BTRC: variants seen among roughly 807,000 people sequenced by gnomAD.
BTRC encodes beta-transducin repeat containing E3 ubiquitin protein ligase.
Under a neutral mutation model 85.5 loss-of-function variants are expected in BTRC, and 42 were observed. The observed-to-expected ratio is 0.49, with a 90% CI of 0.38 to 0.64. BTRC has a LOEUF of 0.64. Ranked by LOEUF, BTRC falls within the 30% of genes least tolerant of loss-of-function variation. The pLI is 0.00. For missense variants in BTRC, 594 were observed against 743.5 expected (o/e 0.80, Z 2.34); for synonymous variants, 255 against 263.3 (o/e 0.97, Z 0.30).
chr10:101,418,403 T>TG (rs1004675519), intron 1 of BTRC, among the ~76,000 whole-genome samples: 39 of 152,052 alleles, frequency 2.6e-4, no homozygotes, highest in East Asian at 9.7e-4. Flanking sequence ...TATATTTTTT[T>TG]GGGGGGGTGA....
At chr10:101,520,620 T>C (rs189663756) in intron 4 of BTRC, among the ~76,000 whole-genome samples, 2 of 152,282 alleles carry the variant, frequency 1.3e-5, no homozygotes, top group Non-Finnish European at 2.9e-5. Context: ...CTCAGAATAT[T>C]CATTGGTTTC....
At chr10:101,510,092 C>T (rs927465016) in intron 4 of BTRC, among the ~76,000 whole-genome samples, 1 of 151,832 alleles carries the variant, frequency 6.6e-6, no homozygotes, top group Non-Finnish European at 1.5e-5. Flanking sequence ...CGAGATTGCA[C>T]CATTGCACTC....
chr10:101,465,593 G>A (rs981874730), intron 3 of BTRC, among the ~76,000 whole-genome samples: 1 of 152,124 alleles, frequency 6.6e-6, no homozygotes, highest in Non-Finnish European at 1.5e-5. Context: ...AATATTTAAG[G>A]AAGAAATGAT....
chr10:101,529,935 C>T (rs1006922121), intron 6 of BTRC, among the ~76,000 whole-genome samples: 1 of 152,178 alleles, frequency 6.6e-6, no homozygotes, highest in African/African-American at 2.4e-5. Flanking sequence ...AGGCACGGTG[C>T]CAGTGAGAAC....
chr10:101,442,873 A>G (rs923352836), intron 2 of BTRC, among the ~76,000 whole-genome samples: 3 of 150,022 alleles, frequency 2.0e-5, no homozygotes, highest in Non-Finnish European at 4.4e-5. Context: ...AGTAAGTTGT[A>G]CAGATCTCAC....
At chr10:101,539,177 C>G (rs113935163) in intron 13 of BTRC, among the ~76,000 whole-genome samples, 4 of 152,176 alleles carry the variant, frequency 2.6e-5, no homozygotes, top group Admixed American at 6.5e-5. Flanking sequence ...CCATATACCC[C>G]CTTTTGACAT....
rs757655476 is a variant in BTRC at position 101,543,976 on chromosome 10, C to CT, written c.1656+5607dup. Among the ~76,000 whole-genome samples the CT allele has an allele frequency of 4.6e-5, 7 of 152,282 alleles. No homozygotes were observed. The South Asian group carries it at 8.3e-4, about 18-fold the overall frequency. On this transcript the variant is annotated intron_variant, in intron 13 of 14. Coordinates refer to ENST00000370187, the MANE Select transcript of BTRC (RefSeq NM_033637.4). ...CCAGGCTGGAGTGCACTGGCGTGAT[C>CT]TTGGCTCACTGCAACCTCCGCCTCC...
At chr10:101,512,837 A>G (rs2061973958) in intron 4 of BTRC, among the ~76,000 whole-genome samples, 1 of 152,142 alleles carries the variant, frequency 6.6e-6, no homozygotes, top group Non-Finnish European at 1.5e-5. Flanking sequence ...TCTTGTGGAG[A>G]CAACTGTTCA....
intron 1 of BTRC, among the ~76,000 whole-genome samples, chr10:101,417,081 AT>A (rs1179825027): frequency 6.6e-6 from 1 of 151,992 alleles, no homozygotes; most frequent in African/African-American, 2.4e-5. Context: ...TTCTCTGTGT[AT>A]TTCCTGCAAA....
chr10:101,368,532 T>G (rs1457912486), intron 1 of BTRC, among the ~76,000 whole-genome samples: 1 of 135,120 alleles, frequency 7.4e-6, no homozygotes, highest in Non-Finnish European at 1.5e-5. Context: ...CAGGCCGGAG[T>G]GCAGTGGCAT....
At chr10:101,487,725 A>G (rs1436649125) in intron 4 of BTRC, among the ~76,000 whole-genome samples, 1 of 152,200 alleles carries the variant, frequency 6.6e-6, no homozygotes, top group Non-Finnish European at 1.5e-5. Context: ...CAGTCGGAAC[A>G]CTGAAATTAA....
chr10:101,534,697 G>A lies in BTRC; in HGVS notation c.1134G>A (p.Thr378=), dbSNP rs373104717. The change falls in exon 10 of 15, where the codon ACG becomes ACA. Residue 378 remains threonine, a synonymous_variant. Transcript: ENST00000370187. Reference sequence around the variant, plus strand: ...TAAATACAGGTGAAATGCTAAACACGTTGATTCACCATTGTGAAGCAGTTC... The same window carrying A: ...TAAATACAGGTGAAATGCTAAACACATTGATTCACCATTGTGAAGCAGTTC... The part of the protein sequence containing the change: ...WDVNTGEMLN[T]LIHHCEAVLH... The A allele has an allele frequency of 4.5e-5, 72 of 1,613,966 alleles. No individual in the cohort carries two copies. The highest frequency in any genetic ancestry group is 2.5e-4 in the East Asian group (11 of 44,890).
At chr10:101,432,437 A>G (rs921831310) in intron 2 of BTRC, among the ~76,000 whole-genome samples, 1 of 152,074 alleles carries the variant, frequency 6.6e-6, no homozygotes, top group Non-Finnish European at 1.5e-5. Context: ...TATATCCTAT[A>G]TTTTTAACTA....
intron 6 of BTRC, among the ~76,000 whole-genome samples, chr10:101,527,125 C>T (rs2062204434): frequency 6.6e-6 from 1 of 152,112 alleles, no homozygotes; most frequent in African/African-American, 2.4e-5. Context: ...TTATAATAGG[C>T]ATGTGTGTGC....
rs36030307 is a variant in BTRC, at chr10:101,385,618, C to CTTTTTTTTTTT, written c.48+31395_48+31405dup. On this transcript the variant is annotated intron_variant, in intron 1 of 14. Coordinates refer to ENST00000370187, the MANE Select transcript of BTRC (RefSeq NM_033637.4). ...TCTTTGTTCTTTCTTTCTTCTTCTT[C>CTTTTTTTTTTT]TTTTTTTTTTTTTTTGTGTGTTCTT... Among the ~76,000 whole-genome samples, 297 of 79,620 alleles carry CTTTTTTTTTTT rather than the reference C, an allele frequency of 3.7e-3. 2 individuals are homozygous for CTTTTTTTTTTT. The highest frequency in any genetic ancestry group is 5.2e-3 in the Non-Finnish European group (207 of 40,182). 52.2% of individuals were successfully genotyped at this position (79,620 alleles called of 152,430 possible). A position where few individuals can be genotyped will look rare whatever the true frequency, so the allele number is the denominator to read the frequency against.
At chr10:101,510,784 A>G (rs1946683042) in intron 4 of BTRC, among the ~76,000 whole-genome samples, 1 of 152,200 alleles carries the variant, frequency 6.6e-6, no homozygotes, top group Non-Finnish European at 1.5e-5. Context: ...CCAGACTTAC[A>G]ATTCTCAACA....
rs147236188 is a variant in BTRC, at chr10:101,550,822, C to T, written c.1780C>T (p.Arg594Cys). ...NDPAAQAEPP[R>C]SPSRTYTYIS... ...TCCAGCTGCCCAAGCTGAACCCCCC[C>T]GTTCCCCTTCTCGAACATACACCTA... Residue 594 changes from arginine to cysteine, a missense_variant, in exon 14 of 15, where the codon CGT becomes TGT. Arg to Cys is a radical substitution (Grantham distance 180). Coordinates refer to ENST00000370187, the MANE Select transcript of BTRC (RefSeq NM_033637.4). 19 of 1,614,036 alleles carry T rather than the reference C, an allele frequency of 1.2e-5. No homozygotes were observed. The highest frequency in any genetic ancestry group is 6.7e-5 in the East Asian group (3 of 44,886).
intron 1 of BTRC, among the ~76,000 whole-genome samples, chr10:101,426,384 A>G (rs1461755142): frequency 6.6e-6 from 1 of 152,228 alleles, no homozygotes; most frequent in Non-Finnish European, 1.5e-5. Context: ...TTGTCTTGTA[A>G]TAATCGGGAA....
chr10:101,406,692 G>A (rs1378828728), intron 1 of BTRC, among the ~76,000 whole-genome samples: 1 of 151,718 alleles, frequency 6.6e-6, no homozygotes, highest in Non-Finnish European at 1.5e-5. Context: ...TGCCATCACA[G>A]CTAGCTAATT....
Sources: allele counts gnomAD v4.1 joint callset (sites outside exome capture counted in the v4.1 genomes callset), GRCh38; gene constraint gnomAD v4.1.1; transcripts MANE v1.5; gene names NCBI Gene and HGNC (gene_info 2026-07-23, HGNC 2026-07-21).